KLHL32: variants seen among roughly 807,000 people sequenced by gnomAD.
The protein encoded by KLHL32 is kelch-like protein 32.
KLHL32 carries 35 observed loss-of-function variants against 64.8 expected under a neutral mutation model. The observed-to-expected ratio is 0.54, with a 90% CI of 0.41 to 0.72. The LOEUF (loss-of-function observed/expected upper bound fraction) is 0.72. Ranked by LOEUF, KLHL32 falls within the 30% of genes least tolerant of loss-of-function variation. The pLI, the probability that KLHL32 is intolerant of heterozygous loss-of-function variation, is 0.00. For missense variants in KLHL32, 589 were observed against 768.5 expected, an observed-to-expected ratio of 0.77 and a Z score of 2.76; for synonymous variants, 259 against 281.0, an observed-to-expected ratio of 0.92 and a Z score of 0.78.
chr6:97,103,942 G>A (rs1192010862), intron 6 of KLHL32, among the ~76,000 whole-genome samples: 1 of 152,152 alleles, frequency 6.6e-6, no homozygotes, highest in African/African-American at 2.4e-5. Context: ...ATATCCTAGA[G>A]AAGGAGGAGA....
Position 96,975,932 on chromosome 6 carries a change from A to T in KLHL32, c.24-65A>T, listed in dbSNP as rs1307813623. On this transcript the variant is annotated intron_variant, in intron 2 of 10. Transcript: ENST00000369261. ...TGCCTCAGTCGATGTTCAAGGAATG[A>T]GAGAGCAGCTGGCCCACAGGGCTGG... The T allele has an allele frequency of 2.2e-6, 3 of 1,344,090 alleles. No individual in the cohort carries two copies. The African/African-American group carries it at 4.4e-5, about 20-fold the overall frequency. 83.3% of individuals were successfully genotyped at this position (1,344,090 alleles called of 1,614,324 possible).
intron 3 of KLHL32, among the ~76,000 whole-genome samples, chr6:97,030,998 T>C (rs1425800915): frequency 6.6e-6 from 1 of 152,208 alleles, no homozygotes; most frequent in Non-Finnish European, 1.5e-5. Context: ...CCTGCCTTCA[T>C]GGAGCCTGCA....
rs558193523 is a variant in KLHL32 at position 96,973,730 on chromosome 6, C to CTTTTTTTTTTTTTTTTTTTTT, written c.24-2256_24-2255insTTTTTTTTTTTTTTTTTTTTT. On this transcript the variant is annotated intron_variant, in intron 2 of 10. Coordinates refer to ENST00000369261, the MANE Select transcript of KLHL32 (RefSeq NM_052904.4). ...GATTTTTGAGATCTTTACAGATTGC[C>CTTTTTTTTTTTTTTTTTTTTT]TTTTTTTTTTTAGACAGAGTCTCGC... 8.5e-5 allele frequency among the ~76,000 whole-genome samples: 10 copies of CTTTTTTTTTTTTTTTTTTTTT among 118,260 alleles called. 2 individuals are homozygous for CTTTTTTTTTTTTTTTTTTTTT. Among genetic ancestry groups the CTTTTTTTTTTTTTTTTTTTTT allele is most frequent in the East Asian group, 2.4e-4 (1 of 4,254 alleles). 77.6% of individuals were successfully genotyped at this position (118,260 alleles called of 152,430 possible). A position where few individuals can be genotyped will look rare whatever the true frequency, so the allele number is the denominator to read the frequency against.
intron 6 of KLHL32, among the ~76,000 whole-genome samples, chr6:97,091,221 C>A (rs973709702): frequency 2.0e-5 from 3 of 152,078 alleles, no homozygotes; most frequent in Non-Finnish European, 2.9e-5. Context: ...AGAAAAAAAA[C>A]AAAACAAAAC....
At chr6:97,057,344 C>T (rs1266315430) in intron 4 of KLHL32, among the ~76,000 whole-genome samples, 1 of 127,350 alleles carries the variant, frequency 7.9e-6, no homozygotes, top group African/African-American at 3.6e-5. Flanking sequence ...CCACCATGCC[C>T]GGCTAATTTT....
intron 4 of KLHL32, 65 bp from the exon 5 acceptor site, chr6:97,064,563 A>G (rs1789412650): frequency 1.8e-6 from 2 of 1,106,154 alleles, no homozygotes; most frequent in Non-Finnish European, 2.7e-6. Context: ...GTATATCTAC[A>G]TATTAAGCAG....
intron 3 of KLHL32, among the ~76,000 whole-genome samples, chr6:96,997,574 C>T (rs556590437): frequency 1.3e-5 from 2 of 150,892 alleles, no homozygotes; most frequent in South Asian, 4.2e-4. Context: ...ATAGTGAGAC[C>T]CTGTCTCTAT....
chr6:97,007,578 A>G (rs907182838), intron 3 of KLHL32, among the ~76,000 whole-genome samples: 1 of 152,224 alleles, frequency 6.6e-6, no homozygotes, highest in Non-Finnish European at 1.5e-5. Context: ...GAGTTGCCAC[A>G]GTTCTTGCAC....
intron 3 of KLHL32, among the ~76,000 whole-genome samples, chr6:97,017,490 A>G (rs1331485672): frequency 1.3e-5 from 2 of 152,228 alleles, no homozygotes; most frequent in African/African-American, 4.8e-5. Context: ...CAAATACAGA[A>G]CAAAGGTGAG....
At chr6:97,115,949 CA>C (rs1179053146) in intron 7 of KLHL32, among the ~76,000 whole-genome samples, 8 of 152,068 alleles carry the variant, frequency 5.3e-5, no homozygotes, top group African/African-American at 1.9e-4. Context: ...CCTGCTCTGA[CA>C]AAATTCTCCC....
At chr6:96,975,606 C>T (rs1775607048) in intron 2 of KLHL32, among the ~76,000 whole-genome samples, 1 of 152,082 alleles carries the variant, frequency 6.6e-6, no homozygotes. Flanking sequence ...AAGGGTCACA[C>T]ACACATATAC....
intron 5 of KLHL32, among the ~76,000 whole-genome samples, chr6:97,073,705 G>A (rs1297648167): frequency 6.6e-6 from 1 of 152,024 alleles, no homozygotes; most frequent in Admixed American, 6.5e-5. Flanking sequence ...TTCCTGACTA[G>A]GGAACATAAA....
At chr6:96,949,906 G>T (rs970925505) in intron 1 of KLHL32, among the ~76,000 whole-genome samples, 1 of 151,820 alleles carries the variant, frequency 6.6e-6, no homozygotes, top group Non-Finnish European at 1.5e-5. Flanking sequence ...AATCAATATT[G>T]TTTTTTCTTT....
chr6:97,101,290 G>C (rs1056121972), intron 6 of KLHL32, among the ~76,000 whole-genome samples: 14 of 152,072 alleles, frequency 9.2e-5, no homozygotes, highest in African/African-American at 2.9e-4. Flanking sequence ...TGAAAAATCT[G>C]TCTACAAAAG....
intron 6 of KLHL32, among the ~76,000 whole-genome samples, chr6:97,102,906 G>A (rs1795915586): frequency 6.6e-6 from 1 of 151,870 alleles, no homozygotes; most frequent in Non-Finnish European, 1.5e-5. Context: ...CTGATGTCAT[G>A]GGGGTTTGTA....
the KLHL32 span, among the ~76,000 whole-genome samples, chr6:96,909,688 T>C: frequency 2.6e-5 from 4 of 152,204 alleles, no homozygotes; most frequent in African/African-American, 9.7e-5. Context: ...CAGTGCTCTT[T>C]CCTTCTGTAG....
At chr6:96,926,463 AC>A (rs749867662) in intron 1 of KLHL32, among the ~76,000 whole-genome samples, 22 of 152,146 alleles carry the variant, frequency 1.4e-4, no homozygotes, top group African/African-American at 5.3e-4. Flanking sequence ...CCTCACAACA[AC>A]CCTTTGAGGC....
intron 8 of KLHL32, among the ~76,000 whole-genome samples, chr6:97,128,748 C>T (rs1411741007): frequency 6.6e-6 from 1 of 152,166 alleles, no homozygotes; most frequent in East Asian, 1.9e-4. Context: ...AATGACCCCA[C>T]CAGGCCTCTC....
intron 1 of KLHL32, among the ~76,000 whole-genome samples, chr6:96,952,212 G>A (rs1157649296): frequency 6.6e-6 from 1 of 151,844 alleles, no homozygotes; most frequent in East Asian, 1.9e-4. Context: ...GGAATAATTG[G>A]GTAAATAATT....
Sources: allele counts gnomAD v4.1 joint callset (sites outside exome capture counted in the v4.1 genomes callset), GRCh38; gene constraint gnomAD v4.1.1; transcripts MANE v1.5; gene names NCBI Gene and HGNC (gene_info 2026-07-23, HGNC 2026-07-21).